MCU: variants seen among roughly 807,000 people sequenced by gnomAD.
MCU encodes mitochondrial calcium uniporter.
MCU carries 12 observed loss-of-function variants against 45.2 expected under a neutral mutation model. The observed-to-expected ratio is 0.27, with a 90% CI of 0.17 to 0.43. The LOEUF (loss-of-function observed/expected upper bound fraction) is 0.43. Among genes scored for constraint, MCU ranks in the 20% least tolerant of loss-of-function variants. The pLI is 1.00. For synonymous variants in MCU, 160 were observed against 165.1 expected, an observed-to-expected ratio of 0.97 and a Z score of 0.24; for missense variants, 324 against 436.7, an observed-to-expected ratio of 0.74 and a Z score of 2.30.
In MCU at chr10:72,751,341, C is replaced by CTTCTTTTTTTTTTTTTTTTTTTT. The variant is rs1474252109; in HGVS notation, c.150+59042_150+59043insCTTTTTTTTTTTTTTTTTTTTTT. On this transcript the variant is annotated intron_variant, in intron 1 of 7. Coordinates refer to ENST00000373053, the MANE Select transcript of MCU (RefSeq NM_138357.3). ...TTTTCTCTAACATCTTCTTCTTCTT[C>CTTCTTTTTTTTTTTTTTTTTTTT]TTTTTTTTTTTTTTTTTTTTTTTTT... Among the ~76,000 whole-genome samples, 4 of 44,742 alleles carry CTTCTTTTTTTTTTTTTTTTTTTT rather than the reference C, an allele frequency of 8.9e-5. 1 individual carries two copies. The highest frequency in any genetic ancestry group is 3.4e-4 in the African/African-American group (4 of 11,936). The allele number at this position is 44,742 out of a possible 152,430, so 29.4% of individuals were successfully genotyped here. A position where few individuals can be genotyped will look rare whatever the true frequency, so the allele number is the denominator to read the frequency against.
At chr10:72,770,608 G>T (rs1477803400) in intron 1 of MCU, among the ~76,000 whole-genome samples, 1 of 151,848 alleles carries the variant, frequency 6.6e-6, no homozygotes, top group South Asian at 2.1e-4. Context: ...GGAGAGCAAG[G>T]ATTTTTTATA....
chr10:72,761,595 A>G (rs1411685600), intron 1 of MCU, among the ~76,000 whole-genome samples: 2 of 152,112 alleles, frequency 1.3e-5, no homozygotes, highest in Non-Finnish European at 2.9e-5. Context: ...CAAATTCCAG[A>G]TTTGATTAGT....
chr10:72,839,537 T>A (rs1845014906), intron 2 of MCU, among the ~76,000 whole-genome samples: 1 of 152,160 alleles, frequency 6.6e-6, no homozygotes, highest in African/African-American at 2.4e-5. Context: ...CATGTTGTAG[T>A]GTGTATTCGT....
chr10:72,878,027 G>A (rs976779128), intron 6 of MCU, among the ~76,000 whole-genome samples: 34 of 150,698 alleles, frequency 2.3e-4, no homozygotes, highest in African/African-American at 8.3e-4. Context: ...ATGCTCACAG[G>A]TTTCATGCAG....
chr10:72,869,566 C>T (rs778124485), intron 5 of MCU, among the ~76,000 whole-genome samples: 3 of 152,004 alleles, frequency 2.0e-5, no homozygotes, highest in African/African-American at 2.4e-5. Flanking sequence ...CCAGCCTGGA[C>T]GACAGAGCGA....
intron 1 of MCU, chr10:72,756,398 C>T (rs1362471952): frequency 6.6e-6 from 1 of 152,188 alleles, no homozygotes; most frequent in Non-Finnish European, 1.5e-5. Context: ...CATTTAAGAA[C>T]TACATTTTTC....
chr10:72,881,341 G>A (rs1185492347), intron 6 of MCU, among the ~76,000 whole-genome samples: 1 of 152,040 alleles, frequency 6.6e-6, no homozygotes, highest in East Asian at 1.9e-4. Flanking sequence ...AATGACTGTA[G>A]AATAGAGAAT....
intron 1 of MCU, among the ~76,000 whole-genome samples, chr10:72,783,218 G>A (rs1844022050): frequency 6.6e-6 from 1 of 152,082 alleles, no homozygotes; most frequent in Non-Finnish European, 1.5e-5. Context: ...TCTGGCATAG[G>A]CATACCACCT....
intron 1 of MCU, among the ~76,000 whole-genome samples, chr10:72,749,245 A>G (rs75562896): frequency 0.01 from 1,582 of 152,198 alleles, 10 homozygotes; most frequent in South Asian, 0.044. Flanking sequence ...TAATCATGCC[A>G]CGGCACTTCA....
At chr10:72,863,834 T>C (rs890469561) in intron 4 of MCU, among the ~76,000 whole-genome samples, 4 of 152,142 alleles carry the variant, frequency 2.6e-5, no homozygotes, top group African/African-American at 9.7e-5. Context: ...CAGGCAGGTC[T>C]TGAACTCCTG....
At chr10:72,725,841 A>T (rs1843091046) in intron 1 of MCU, among the ~76,000 whole-genome samples, 1 of 152,100 alleles carries the variant, frequency 6.6e-6, no homozygotes, top group African/African-American at 2.4e-5. Context: ...CCAAGATTGC[A>T]CCATTGCACT....
chr10:72,778,112 A>G (rs1843924007), intron 1 of MCU, among the ~76,000 whole-genome samples: 1 of 152,216 alleles, frequency 6.6e-6, no homozygotes, highest in Non-Finnish European at 1.5e-5. Context: ...GGAGAACAAT[A>G]TGGAGTTTCC....
In MCU at chr10:72,840,650, C is replaced by T. The variant is rs755811682; in HGVS notation, c.220+6222C>T. ...ACAAAAAAGAAATGAAGCATTAAAGCTACTTAATCACCAAAAATCCAAAAA... is the reference window on the plus strand; with the variant it reads ...ACAAAAAAGAAATGAAGCATTAAAGTTACTTAATCACCAAAAATCCAAAAA... On this transcript the variant is annotated intron_variant, in intron 2 of 7. Transcript: ENST00000373053. 2.0e-5 allele frequency among the ~76,000 whole-genome samples: 3 copies of T among 152,280 alleles called. No homozygotes were observed. In the South Asian group the frequency reaches 6.2e-4, roughly 32 times the overall value.
At chr10:72,850,670 T>A (rs943047017) in intron 2 of MCU, among the ~76,000 whole-genome samples, 1 of 152,256 alleles carries the variant, frequency 6.6e-6, no homozygotes, top group African/African-American at 2.4e-5. Flanking sequence ...CCTGCACTAC[T>A]CTTCTTAGTC....
intron 1 of MCU, among the ~76,000 whole-genome samples, chr10:72,693,244 T>A (rs1842648005): frequency 6.6e-6 from 1 of 152,026 alleles, no homozygotes; most frequent in African/African-American, 2.4e-5. Context: ...TTTTTTCAAT[T>A]GCAAGAGATG....
At chr10:72,802,558 A>G (rs1030495860) in intron 1 of MCU, among the ~76,000 whole-genome samples, 1 of 152,228 alleles carries the variant, frequency 6.6e-6, no homozygotes, top group African/African-American at 2.4e-5. Context: ...AAGGAAATTT[A>G]TGGTAAAGAT....
intron 1 of MCU, among the ~76,000 whole-genome samples, chr10:72,757,977 AGTGAC>A (rs1257883451): frequency 6.6e-6 from 1 of 152,236 alleles, no homozygotes; most frequent in African/African-American, 2.4e-5. Context: ...ATTTTCCAGA[AGTGAC>A]AAGACAAAGA....
chr10:72,692,199 G>GGGCGGC lies in MCU; in HGVS notation c.57_62dup (p.Gly21_Gly22dup). On this transcript the variant is annotated inframe_insertion, in exon 1 of 8. Coordinates refer to ENST00000373053, the MANE Select transcript of MCU (RefSeq NM_138357.3). The stretch of plus-strand genomic sequence containing the variant: ...CGCTCCTGCTGCTCCTCTCCTCTCG[G>GGGCGGC]GGCGGCGGCGGCGGGGGCGCCGGCG... 2 of 1,262,238 alleles carry GGGCGGC rather than the reference G, an allele frequency of 1.6e-6. No individual in the cohort carries two copies. Among genetic ancestry groups the GGGCGGC allele is most frequent in the African/African-American group, 1.5e-5 (1 of 64,878 alleles). The allele number at this position is 1,262,238 out of a possible 1,614,324, so 78.2% of individuals were successfully genotyped here.
chr10:72,764,217 CT>C (rs1734275696), intron 1 of MCU, among the ~76,000 whole-genome samples: 1 of 152,110 alleles, frequency 6.6e-6, no homozygotes, highest in Non-Finnish European at 1.5e-5. Context: ...TTCCAGTTTA[CT>C]TTCTTCTTCA....
Sources: allele counts gnomAD v4.1 joint callset (sites outside exome capture counted in the v4.1 genomes callset), GRCh38; gene constraint gnomAD v4.1.1; transcripts MANE v1.5; gene names NCBI Gene and HGNC (gene_info 2026-07-23, HGNC 2026-07-21).